LRRTM3: variants seen among roughly 807,000 people sequenced by gnomAD.
LRRTM3 encodes the protein leucine-rich repeat transmembrane neuronal protein 3.
Under a neutral mutation model 44.7 loss-of-function variants are expected in LRRTM3, and 24 were observed. The ratio of observed to expected loss-of-function variants is 0.54; its 90% confidence interval spans 0.39 to 0.76. The LOEUF is 0.76. LRRTM3 is among the 30% of genes least tolerant of loss of function. The pLI is 0.00. For missense variants in LRRTM3, 587 were observed against 702.2 expected (o/e 0.84, Z 1.85); for synonymous variants, 277 against 278.7 (o/e 0.99, Z 0.06).
chr10:66,995,131 T>A (rs1178253668), intron 2 of LRRTM3, among the ~76,000 whole-genome samples: 1 of 152,176 alleles, frequency 6.6e-6, no homozygotes, highest in African/African-American at 2.4e-5. Context: ...TGCTTGAATG[T>A]CACAGAAATA....
At chr10:66,990,076 G>C (rs1850959575) in intron 2 of LRRTM3, among the ~76,000 whole-genome samples, 1 of 152,104 alleles carries the variant, frequency 6.6e-6, no homozygotes, top group Admixed American at 6.6e-5. Context: ...CTATGAGATG[G>C]GTTGGAGAAG....
intron 2 of LRRTM3, among the ~76,000 whole-genome samples, chr10:67,001,087 G>A (rs910353636): frequency 2.0e-5 from 3 of 151,950 alleles, no homozygotes; most frequent in African/African-American, 4.8e-5. Flanking sequence ...TGGATCATGA[G>A]GTCAGGAGAT....
Position 67,063,997 on chromosome 10 carries a change from T to C in LRRTM3, c.1537-33590T>C, listed in dbSNP as rs181313540. 1.3e-4 allele frequency among the ~76,000 whole-genome samples: 20 copies of C among 152,310 alleles called. No homozygotes were observed. In the East Asian group the frequency reaches 3.7e-3, roughly 28 times the overall value. ...TAACACAGTCAGTTGGATGGAATTTTAGAGTCATCTCCCTCTATGCACGTG... is the reference window on the plus strand; with the variant it reads ...TAACACAGTCAGTTGGATGGAATTTCAGAGTCATCTCCCTCTATGCACGTG... On this transcript the variant is annotated intron_variant, in intron 2 of 2. Transcript: ENST00000361320.
intron 2 of LRRTM3, among the ~76,000 whole-genome samples, chr10:67,003,277 G>A (rs1410552831): frequency 6.6e-6 from 1 of 152,052 alleles, no homozygotes; most frequent in Non-Finnish European, 1.5e-5. Context: ...GACCATTTTG[G>A]CCAATCTCCT....
chr10:66,984,431 G>GACCAAATGTAAATATGAGAGAA (rs1850614768), intron 2 of LRRTM3, among the ~76,000 whole-genome samples: 1 of 152,208 alleles, frequency 6.6e-6, no homozygotes, highest in Admixed American at 6.5e-5. Context: ...AGATAAAATT[G>GACCAAATGTAAATATGAGAGAA]ACCAAATGTA....
At chr10:67,086,159 T>C (rs1857296897) in intron 2 of LRRTM3, among the ~76,000 whole-genome samples, 1 of 152,032 alleles carries the variant, frequency 6.6e-6, no homozygotes, top group African/African-American at 2.4e-5. Flanking sequence ...AGAAACAGTA[T>C]ATTTTTTTTC....
intron 2 of LRRTM3, among the ~76,000 whole-genome samples, chr10:66,968,357 T>C (rs995827803): frequency 5.3e-5 from 8 of 149,544 alleles, no homozygotes; most frequent in African/African-American, 7.3e-5. Context: ...TATATATATA[T>C]ATAAAACACA....
intron 2 of LRRTM3, among the ~76,000 whole-genome samples, chr10:66,996,815 C>T (rs565065710): frequency 6.6e-5 from 10 of 152,096 alleles, no homozygotes; most frequent in Admixed American, 2.0e-4. Flanking sequence ...TTTTGCTCTA[C>T]AATTACACTG....
At chr10:67,018,891 T>C (rs1297122444) in intron 2 of LRRTM3, among the ~76,000 whole-genome samples, 2 of 152,194 alleles carry the variant, frequency 1.3e-5, no homozygotes, top group East Asian at 1.9e-4. Context: ...GCAGATGAAA[T>C]GGAAAACACT....
chr10:66,995,470 A>G (rs893001338), intron 2 of LRRTM3, among the ~76,000 whole-genome samples: 12 of 152,150 alleles, frequency 7.9e-5, no homozygotes, highest in Admixed American at 2.6e-4. Context: ...TCCATTCTCC[A>G]AACATTCACC....
intron 2 of LRRTM3, among the ~76,000 whole-genome samples, chr10:67,006,996 AT>A (rs1852031207): frequency 6.6e-6 from 1 of 152,082 alleles, no homozygotes; most frequent in African/African-American, 2.4e-5. Context: ...GGGTTTCACC[AT>A]GTTGGCCAGG....
chr10:66,978,826 A>T (rs1477344350), intron 2 of LRRTM3, among the ~76,000 whole-genome samples: 1 of 151,262 alleles, frequency 6.6e-6, no homozygotes, highest in Admixed American at 6.6e-5. Context: ...GTCCTAAATT[A>T]TTGCTTAGCC....
intron 2 of LRRTM3, among the ~76,000 whole-genome samples, chr10:66,954,711 C>T (rs1052222782): frequency 3.3e-5 from 5 of 152,150 alleles, no homozygotes; most frequent in Non-Finnish European, 5.9e-5. Flanking sequence ...TAAGTGATTT[C>T]CTGAGAAACT....
intron 2 of LRRTM3, among the ~76,000 whole-genome samples, chr10:67,029,319 T>TTAAGCAAATTTG (rs1385882640): frequency 7.2e-5 from 11 of 152,184 alleles, no homozygotes; most frequent in Non-Finnish European, 1.2e-4. Context: ...TTGGAGGATA[T>TTAAGCAAATTTG]TAAGCAAATT....
intron 2 of LRRTM3, among the ~76,000 whole-genome samples, chr10:67,054,446 A>G (rs1392319596): frequency 1.3e-5 from 2 of 152,152 alleles, no homozygotes; most frequent in East Asian, 1.9e-4. Flanking sequence ...AGCTTCTTCA[A>G]TCTCTGGCCT....
intron 2 of LRRTM3, among the ~76,000 whole-genome samples, chr10:66,975,376 G>A (rs764306066): frequency 2.6e-5 from 4 of 152,202 alleles, no homozygotes; most frequent in Non-Finnish European, 5.9e-5. Flanking sequence ...AGGTAAGGAT[G>A]TACTTGACTT....
At chr10:67,003,200 G>C (rs560421600) in intron 2 of LRRTM3, among the ~76,000 whole-genome samples, 17 of 152,186 alleles carry the variant, frequency 1.1e-4, no homozygotes, top group Admixed American at 9.2e-4. Flanking sequence ...CAATTATTCA[G>C]GCACAGTGCC....
chr10:67,005,356 T>C (rs530712420), intron 2 of LRRTM3, among the ~76,000 whole-genome samples: 3 of 152,130 alleles, frequency 2.0e-5, no homozygotes, highest in Non-Finnish European at 4.4e-5. Flanking sequence ...ATACACTTTA[T>C]CTAAATCACT....
At chr10:67,081,208 T>C (rs936596177) in intron 2 of LRRTM3, among the ~76,000 whole-genome samples, 3 of 152,204 alleles carry the variant, frequency 2.0e-5, no homozygotes, top group Non-Finnish European at 4.4e-5. Flanking sequence ...GTAATAATTA[T>C]TGGAGAAATG....
Sources: allele counts gnomAD v4.1 joint callset (sites outside exome capture counted in the v4.1 genomes callset), GRCh38; gene constraint gnomAD v4.1.1; transcripts MANE v1.5; gene names NCBI Gene and HGNC (gene_info 2026-07-23, HGNC 2026-07-21).